The following TMEM147 variants were observed in gnomAD, a reference collection of about 807,000 sequenced individuals.
TMEM147 encodes the protein BOS complex subunit TMEM147.
In TMEM147, 29 loss-of-function variants were observed where a neutral mutation model predicts 29.4. That is an observed-to-expected ratio of 0.99 (90% CI 0.73 to 1.34). TMEM147 has a LOEUF of 1.34. Ranked by LOEUF, TMEM147 falls within the 40% of genes most tolerant of loss-of-function variation. The pLI is 0.00. For missense variants in TMEM147, 260 were observed against 289.4 expected, an observed-to-expected ratio of 0.90 and a Z score of 0.74; for synonymous variants, 121 against 111.8, an observed-to-expected ratio of 1.08 and a Z score of -0.52.
intron 6 of TMEM147, 31 bp from the exon 7 acceptor site, chr19:35,547,293 C>T: frequency 3.1e-6 from 5 of 1,614,036 alleles, no homozygotes; most frequent in Non-Finnish European, 4.2e-6. Context: ...GTTATCTAGT[C>T]TCCCTTCCTT....
Position 35,546,629 on chromosome 19 carries a change from C to T in TMEM147, c.208-43C>T, listed in dbSNP as rs199777611. On this transcript the variant is annotated intron_variant, in intron 3 of 6. Coordinates refer to ENST00000222284, the MANE Select transcript of TMEM147 (RefSeq NM_032635.4). ...GGGAAGGGAGTTCAGGAATGGGGCT[C>T]CCTGTCCCCCTGTGCTTACTTAAGC... is the stretch of plus-strand genomic sequence containing the variant. 5 of 1,608,844 alleles carry T rather than the reference C, an allele frequency of 3.1e-6. No homozygotes were observed. In the East Asian group the frequency reaches 1.1e-4, roughly 36 times the overall value.
rs1258808584 is a variant in TMEM147 at position 35,547,369 on chromosome 19, G to A, written c.597G>A (p.Leu199=). Residue 199 remains leucine, a synonymous_variant, in exon 7 of 7, where the codon CTG becomes CTA. Transcript: ENST00000222284. ...LCSLGSWAAL[L]ARAVVTGLLA... ...CGCTGGGCAGTTGGGCAGCTCTACT[G>A]GCCCGAGCAGTGGTAACGGGGCTGC... The A allele has an allele frequency of 6.2e-7, 1 of 1,613,870 alleles. No individual in the cohort carries two copies. Among genetic ancestry groups the A allele is most frequent in the African/African-American group, 1.3e-5 (1 of 74,938 alleles).
In TMEM147 at chr19:35,545,745, CCT is replaced by C. The variant is rs778151218; in HGVS notation, c.7_8del (p.Leu3ValfsTer63). 1 of 1,612,154 alleles carries C rather than the reference CCT, an allele frequency of 6.2e-7. No homozygotes were observed. ...GGGACCGGGCGGCCGGCATCATGAC[CCT>C]GTTTCACTTCGGGAACTGCTTCGCT... MT[L>X]FHFGNCFALA... On this transcript the variant is annotated frameshift_variant, in exon 1 of 7. Transcript: ENST00000222284. LOFTEE classifies it high-confidence loss of function.
At chr19:35,546,899 T>A in intron 4 of TMEM147, 46 bp from the exon 5 acceptor site, 2 of 1,614,134 alleles carry the variant, frequency 1.2e-6, no homozygotes, top group Non-Finnish European at 1.7e-6. Context: ...AGCCTGGTGC[T>A]GAAGGTGTCT....
Position 35,547,465 on chromosome 19 carries a change from T to C in TMEM147, c.*18T>C, listed in dbSNP as rs767611864. ...ACTCCTAGGCTTGGTGTCTCAGACA[T>C]TGATGTACCTTTTCCCTGCCTCACT... On this transcript the variant is annotated 3_prime_UTR_variant, in exon 7 of 7. Transcript: ENST00000222284. 7 of 1,609,358 alleles carry C rather than the reference T, an allele frequency of 4.3e-6. No homozygotes were observed. In the African/African-American group the frequency reaches 5.3e-5, roughly 12 times the overall value.
chr19:35,546,145 A>C, intron 2 of TMEM147, 188 bp downstream of exon 2: 8 of 688,042 alleles, frequency 1.2e-5, no homozygotes, highest in Non-Finnish European at 1.5e-5. Flanking sequence ...AGAGACCTAG[A>C]AGCAACTTTT....
chr19:35,546,065 T>A, intron 2 of TMEM147, 108 bp downstream of exon 2: 1 of 1,252,730 alleles, frequency 8.0e-7, no homozygotes, highest in Non-Finnish European at 1.1e-6. Context: ...GGGACCGCCC[T>A]CGGGACTCCG....
At chr19:35,547,081 TCCCCAA>T (rs762842668) in intron 5 of TMEM147, 32 bp from the exon 6 acceptor site, 1 of 1,614,046 alleles carries the variant, frequency 6.2e-7, no homozygotes, top group African/African-American at 1.3e-5. Flanking sequence ...GCCATACTCC[TCCCCAA>T]GGCCTGGCCC....
chr19:35,546,079 T>C (rs1295796097), intron 2 of TMEM147, 122 bp downstream of exon 2: 1 of 1,114,080 alleles, frequency 9.0e-7, no homozygotes. Context: ...GACTCCGCAC[T>C]GGGAGGCGTC....
chr19:35,546,023 G>T, intron 2 of TMEM147, 66 bp downstream of exon 2: 3 of 1,546,146 alleles, frequency 1.9e-6, no homozygotes, highest in Non-Finnish European at 1.7e-6. Context: ...ACCCGCCCCC[G>T]TTGCCTATCC....
rs773093757 is a variant in TMEM147 at position 35,547,330 on chromosome 19, C to T, written c.558C>T (p.Phe186=). The change falls in exon 7 of 7, where the codon TTC becomes TTT. Residue 186 remains phenylalanine (F), a synonymous_variant. Transcript: ENST00000222284. The part of the protein sequence containing the change: ...SVYKAFVMET[F]VHLCSLGSWA... ...TTGTGACATTTTCCTGCAGGACCTT[C>T]GTCCACCTCTGCTCGCTGGGCAGTT... The T allele has an allele frequency of 1.1e-5, 17 of 1,613,834 alleles. No individual in the cohort carries two copies. The highest frequency in any genetic ancestry group is 1.7e-5 in the Admixed American group (1 of 60,000).
rs373648019 is a variant in TMEM147 at position 35,546,728 on chromosome 19, G to C, written c.264G>C (p.Met88Ile). Residue 88 changes from methionine (M) to isoleucine (I), a missense_variant, in exon 4 of 7, where the codon ATG becomes ATC. Coordinates refer to ENST00000222284, the MANE Select transcript of TMEM147 (RefSeq NM_032635.4). ...VADLIGLNLVMSRNAGKGEYK... is the reference protein window; with the variant it reads ...VADLIGLNLVISRNAGKGEYK... ...ACCTGATAGGTCTAAACCTTGTCAT[G>C]TCCCGGAATGCCGGCAAGGGAGAGT... The C allele has an allele frequency of 2.5e-6, 4 of 1,614,110 alleles. No individual in the cohort carries two copies. Among genetic ancestry groups the C allele is most frequent in the Non-Finnish European group, 3.4e-6 (4 of 1,180,050 alleles).
chr19:35,547,283 G>T (rs757636020), intron 6 of TMEM147, 41 bp from the exon 7 acceptor site: 2 of 1,614,076 alleles, frequency 1.2e-6, no homozygotes, highest in Non-Finnish European at 1.7e-6. Context: ...AGTGGGGTGG[G>T]TTATCTAGTC....
chr19:35,547,203 C>G lies in TMEM147; in HGVS notation c.514C>G (p.Leu172Val). Residue 172 changes from leucine to valine, a missense_variant, in exon 6 of 7, where the codon CTG becomes GTG. Coordinates refer to ENST00000222284, the MANE Select transcript of TMEM147 (RefSeq NM_032635.4). Reference sequence around the variant, plus strand: ...CACCTTCCGGCCAGCTGTCCTCCTGCTGATGTTCCTCAGTGTCTACAAGGC... The same window carrying G: ...CACCTTCCGGCCAGCTGTCCTCCTGGTGATGTTCCTCAGTGTCTACAAGGC... ...YHTFRPAVLL[L>V]MFLSVYKAFV... 1 of 1,614,158 alleles carries G rather than the reference C, an allele frequency of 6.2e-7. No individual in the cohort carries two copies.
chr19:35,547,457 C>T lies in TMEM147; in HGVS notation c.*10C>T, dbSNP rs761838016. On this transcript the variant is annotated 3_prime_UTR_variant, in exon 7 of 7. Transcript: ENST00000222284. ...CAATGTGCACTCCTAGGCTTGGTGT[C>T]TCAGACATTGATGTACCTTTTCCCT... 6.2e-7 allele frequency: 1 copy of T among 1,611,824 alleles called. No individual in the cohort carries two copies. The highest frequency in any genetic ancestry group is 2.2e-5 in the East Asian group (1 of 44,846).
In TMEM147 at chr19:35,546,568, A is replaced by G; in HGVS notation, c.190A>G (p.Ile64Val). Residue 64 changes from isoleucine to valine, a missense_variant, in exon 3 of 7, where the codon ATC (isoleucine) becomes GTC (valine). Ile to Val is a conservative substitution (Grantham distance 29, BLOSUM62 3). Transcript: ENST00000222284. Reference sequence around the variant, plus strand: ...TTTCTTTCCCACCTGGGAAGGCGGCATCTATGACTTCATTGGGGTGAGAGG... The same window carrying G: ...TTTCTTTCCCACCTGGGAAGGCGGCGTCTATGACTTCATTGGGGTGAGAGG... ...ATFFPTWEGGIYDFIGEFMKA... is the reference protein window; with the variant it reads ...ATFFPTWEGGVYDFIGEFMKA... The G allele has an allele frequency of 2.5e-6, 4 of 1,613,500 alleles. No homozygotes were observed. The highest frequency in any genetic ancestry group is 3.4e-6 in the Non-Finnish European group (4 of 1,179,794).
intron 2 of TMEM147, 126 bp from the exon 3 acceptor site, chr19:35,546,400 C>T (rs1419231475): frequency 4.5e-6 from 5 of 1,113,906 alleles, no homozygotes; most frequent in Non-Finnish European, 6.3e-6. Context: ...TCTGGTGGTT[C>T]CTCTTCCAGA....
rs1346570913 is a variant in TMEM147, at chr19:35,547,304, A to G, written c.552-20A>G. On this transcript the variant is annotated intron_variant, in intron 6 of 6. Transcript: ENST00000222284. ...GTGGGTTATCTAGTCTCCCTTCCTT[A>G]TTGTGACATTTTCCTGCAGGACCTT... The G allele has an allele frequency of 6.2e-7, 1 of 1,613,658 alleles. No homozygotes were observed. The highest frequency in any genetic ancestry group is 8.5e-7 in the Non-Finnish European group (1 of 1,179,902).
Position 35,545,944 on chromosome 19 carries a change from T to C in TMEM147, c.134T>C (p.Val45Ala), listed in dbSNP as rs2146300463. The C allele has an allele frequency of 1.2e-6, 2 of 1,613,734 alleles. No individual in the cohort carries two copies. Among genetic ancestry groups the C allele is most frequent in the East Asian group, 2.2e-5 (1 of 44,858 alleles). Residue 45 changes from valine to alanine, a missense_variant, in exon 2 of 7, where the codon GTC (valine) becomes GCC (alanine). By Grantham distance (64) the Val-to-Ala change is moderately conservative (BLOSUM62 0). Transcript: ENST00000222284. ...CVQAGVTYLFVQLCKMLFLAT... is the reference protein window; with the variant it reads ...CVQAGVTYLFAQLCKMLFLAT... ...CAGGCTGGAGTCACCTACCTCTTTG[T>C]CCAACTCTGCAAGGTGAGGGCCACC...
Sources: gnomAD v4.1 joint callset for allele counts on GRCh38, gnomAD v4.1.1 for gene constraint, MANE v1.5 for transcripts, NCBI Gene and HGNC (gene_info 2026-07-23, HGNC 2026-07-21) for gene names.